ITIH2: variants seen among roughly 807,000 people sequenced by gnomAD.
ITIH2 encodes inter-alpha-trypsin inhibitor heavy chain 2.
In ITIH2, 103 loss-of-function variants were observed where a neutral mutation model predicts 104.4. That is an observed-to-expected ratio of 0.99 (90% CI 0.84 to 1.16). The LOEUF (loss-of-function observed/expected upper bound fraction) is 1.16, where lower values mean the gene tolerates loss of function less well. Ranked by LOEUF, ITIH2 falls within the 50% of genes most tolerant of loss-of-function variation. The pLI is 0.00. For synonymous variants in ITIH2, 436 were observed against 435.4 expected, an observed-to-expected ratio of 1.00 and a Z score of -0.02; for missense variants, 1,108 against 1,162.4, an observed-to-expected ratio of 0.95 and a Z score of 0.68.
chr10:7,713,759 A>G (rs79843198), intron 5 of ITIH2, among the ~76,000 whole-genome samples: 7,956 of 151,782 alleles, frequency 0.052, 259 homozygotes, highest in Admixed American at 0.078. Context: ...CCAGGCTGGA[A>G]TGCAGTGGTT....
intron 6 of ITIH2, 66 bp downstream of exon 6, chr10:7,717,854 CT>C (rs1294176112): frequency 8.8e-6 from 13 of 1,482,184 alleles, no homozygotes; most frequent in Admixed American, 1.8e-5. Flanking sequence ...CTGATTTATA[CT>C]TTCTGCTTGT....
At position 7,707,225 on chromosome 10, in the gene ITIH2, G is replaced by A; in HGVS notation, c.184G>A (p.Glu62Lys). Residue 62 changes from glutamate to lysine, a missense_variant, in exon 3 of 21, where the codon GAA (glutamate) becomes AAA (lysine). Coordinates refer to ENST00000358415, the MANE Select transcript of ITIH2 (RefSeq NM_002216.3). ...YQRSLPGESE[E>K]MMEEVDQVTL... is the part of the protein sequence containing the mutation. ...GAGAAGCCTTCCAGGAGAATCGGAA[G>A]AAATGATGGTAAGTTGACTTGATGT... is the stretch of plus-strand genomic sequence containing the variant. 6.2e-7 allele frequency: 1 copy of A among 1,602,322 alleles called. No individual in the cohort carries two copies. Among genetic ancestry groups the A allele is most frequent in the South Asian group, 1.1e-5 (1 of 90,038 alleles).
chr10:7,730,859 A>T (rs974504693), intron 12 of ITIH2, among the ~76,000 whole-genome samples: 2 of 152,128 alleles, frequency 1.3e-5, no homozygotes, highest in African/African-American at 4.8e-5. Context: ...TGACTTTTGT[A>T]AAAATTTAAT....
intron 15 of ITIH2, among the ~76,000 whole-genome samples, chr10:7,737,681 C>CTATATTATATTCTATATATTCTA (rs1835075172): frequency 4.5e-5 from 1 of 22,468 alleles, no homozygotes; most frequent in African/African-American, 2.1e-4. Context: ...TCTATATTTT[C>CTATATTATATTCTATATATTCTA]TATATTATAT....
In ITIH2 at chr10:7,744,124, A is replaced by G. The variant is rs201608113; in HGVS notation, c.2252A>G (p.Asn751Ser). Reference sequence around the variant, plus strand: ...CAGCTTGTTGGTGCCAAGAAGCCCAACAATGGAAAACTAAGCACCTATTTT... The same window carrying G: ...CAGCTTGTTGGTGCCAAGAAGCCCAGCAATGGAAAACTAAGCACCTATTTT... ...NGQLVGAKKP[N>S]NGKLSTYFGK... The change falls in exon 18 of 21, where the codon AAC becomes AGC. Residue 751 changes from asparagine (N) to serine (S), a missense_variant. By Grantham distance (46) the Asn-to-Ser change is conservative. Coordinates refer to ENST00000358415, the MANE Select transcript of ITIH2 (RefSeq NM_002216.3). The G allele has an allele frequency of 9.3e-6, 15 of 1,614,170 alleles. No homozygotes were observed. The East Asian group carries it at 3.3e-4, about 36-fold the overall frequency.
At chr10:7,713,332 T>G in intron 5 of ITIH2, 47 bp downstream of exon 5, 1 of 1,440,100 alleles carries the variant, frequency 6.9e-7, no homozygotes, top group Non-Finnish European at 9.7e-7. Context: ...CAATGACGGT[T>G]TCCTCTCCTA....
intron 20 of ITIH2, among the ~76,000 whole-genome samples, chr10:7,748,363 G>A (rs1193714582): frequency 6.7e-6 from 1 of 149,350 alleles, no homozygotes; most frequent in Non-Finnish European, 1.5e-5. Context: ...GCTGGGCACA[G>A]TGATACTTTT....
At chr10:7,749,059 G>A in intron 20 of ITIH2, 128 bp from the exon 21 acceptor site, 1 of 849,258 alleles carries the variant, frequency 1.2e-6, no homozygotes, top group Non-Finnish European at 1.9e-6. Context: ...ATGACTTGGG[G>A]AGCAGCGATA....
chr10:7,749,066 G>A (rs549000194), intron 20 of ITIH2, 121 bp from the exon 21 acceptor site: 84 of 933,866 alleles, frequency 9.0e-5, no homozygotes, highest in South Asian at 3.6e-4. Flanking sequence ...GGGGAGCAGC[G>A]ATAGGTGGGG....
intron 4 of ITIH2, among the ~76,000 whole-genome samples, chr10:7,711,089 T>G (rs1381378634): frequency 6.6e-6 from 1 of 152,106 alleles, no homozygotes; most frequent in Non-Finnish European, 1.5e-5. Context: ...TCCCTCCCCT[T>G]GCCCCCTACC....
intron 5 of ITIH2, among the ~76,000 whole-genome samples, chr10:7,716,027 T>C (rs1834846420): frequency 6.6e-6 from 1 of 151,760 alleles, no homozygotes; most frequent in South Asian, 2.1e-4. Flanking sequence ...CACGCCCGGC[T>C]AATTTTTGTA....
chr10:7,744,699 G>A, intron 18 of ITIH2, 92 bp from the exon 19 acceptor site: 1 of 1,014,936 alleles, frequency 9.9e-7, no homozygotes, highest in Non-Finnish European at 1.4e-6. Flanking sequence ...TTGTCTGGGA[G>A]GAGTGAAGAG....
intron 20 of ITIH2, among the ~76,000 whole-genome samples, chr10:7,748,917 AT>A (rs1462553950): frequency 6.6e-6 from 1 of 151,842 alleles, no homozygotes; most frequent in Non-Finnish European, 1.5e-5. Context: ...CCTTCTTTCC[AT>A]TGGCTACTGT....
At chr10:7,711,886 C>T (rs750570913) in intron 4 of ITIH2, among the ~76,000 whole-genome samples, 16 of 152,178 alleles carry the variant, frequency 1.1e-4, no homozygotes, top group Non-Finnish European at 1.5e-4. Flanking sequence ...ACTGGAAGTT[C>T]CCATGTACTT....
At chr10:7,739,312 TTCCTTAC>T (rs1835102215) in intron 16 of ITIH2, among the ~76,000 whole-genome samples, 1 of 152,230 alleles carries the variant, frequency 6.6e-6, no homozygotes, top group Admixed American at 6.5e-5. Context: ...CAGCTTTTCT[TTCCTTAC>T]TTTCCTTTTG....
At chr10:7,705,290 T>A in intron 2 of ITIH2, 108 bp downstream of exon 2, 1 of 813,460 alleles carries the variant, frequency 1.2e-6, no homozygotes. Flanking sequence ...GAGTTTGTTT[T>A]TTAGCACAGA....
intron 14 of ITIH2, 83 bp from the exon 15 acceptor site, chr10:7,734,839 G>T (rs1043770202): frequency 3.3e-6 from 4 of 1,223,108 alleles, no homozygotes; most frequent in Admixed American, 3.9e-5. Flanking sequence ...CCCAGCAGTG[G>T]TGGGGTGCAG....
rs1020152337 is a variant in ITIH2, at chr10:7,748,021, A to G, written c.2694-1166A>G. Among the ~76,000 whole-genome samples, 18 of 151,692 alleles carry G rather than the reference A, an allele frequency of 1.2e-4. No individual in the cohort carries two copies. In the East Asian group the frequency reaches 3.3e-3, roughly 28 times the overall value. On this transcript the variant is annotated intron_variant, in intron 20 of 20. Transcript: ENST00000358415. ...AGGAGTTCAAGACCAACTTGCCAAC[A>G]TGTTGAAACCCCCCCCATCTCTACT...
rs1835213158 is a variant in ITIH2 at position 7,749,194 on chromosome 10, C to T, written c.2701C>T (p.Gln901Ter). The T allele has an allele frequency of 1.2e-6, 2 of 1,613,686 alleles. No homozygotes were observed. Among genetic ancestry groups the T allele is most frequent in the African/African-American group, 1.3e-5 (1 of 74,864 alleles). The change falls in exon 21 of 21, where the codon CAG becomes TAG. Residue 901 changes from glutamine (Q) to a stop codon, truncating the protein, a stop_gained. Coordinates refer to ENST00000358415, the MANE Select transcript of ITIH2 (RefSeq NM_002216.3). LOFTEE classifies it high-confidence loss of function. ...GQKLIITRGL[Q>*]KDYRTDLVFG... is the part of the protein sequence containing the mutation. The stretch of plus-strand genomic sequence containing the variant: ...TGCCTTGCTTCCTTGCAGGGGCTTA[C>T]AGAAAGACTACAGAACGGATCTAGT...
Sources: allele counts gnomAD v4.1 joint callset (sites outside exome capture counted in the v4.1 genomes callset), GRCh38; gene constraint gnomAD v4.1.1; transcripts MANE v1.5; gene names NCBI Gene and HGNC (gene_info 2026-07-23, HGNC 2026-07-21).